The following WDR41 variants were observed in gnomAD, a reference collection of about 807,000 sequenced individuals.
The protein encoded by WDR41 is WD repeat-containing protein 41.
Under a neutral mutation model 69.3 loss-of-function variants are expected in WDR41, and 63 were observed. The ratio of observed to expected loss-of-function variants is 0.91; its 90% CI spans 0.74 to 1.12. The LOEUF is 1.12. WDR41 is among the 50% of genes most tolerant of loss of function. WDR41 has a pLI of 0.00. For missense variants in WDR41, 543 were observed against 534.5 expected (o/e 1.02, Z -0.16); for synonymous variants, 185 against 192.1 (o/e 0.96, Z 0.31).
At chr5:77,546,048 A>T (rs1490647918) in intron 1 of WDR41, 3 of 559,024 alleles carry the variant, frequency 5.4e-6, no homozygotes, top group East Asian at 6.4e-5. Context: ...GGTATTGATG[A>T]CTGCTACACC....
chr5:77,463,972 A>G (rs1800178272), intron 3 of WDR41, among the ~76,000 whole-genome samples: 1 of 152,218 alleles, frequency 6.6e-6, no homozygotes, highest in African/African-American at 2.4e-5. Context: ...ATACTTCAAA[A>G]AAGAATAATT....
intron 1 of WDR41, among the ~76,000 whole-genome samples, chr5:77,506,129 A>G (rs2112163340): frequency 6.6e-6 from 1 of 152,342 alleles, no homozygotes; most frequent in South Asian, 2.1e-4. Flanking sequence ...AATTTTTGCA[A>G]TCTATCCATC....
chr5:77,507,513 C>T (rs1209201966), intron 1 of WDR41, among the ~76,000 whole-genome samples: 1 of 152,204 alleles, frequency 6.6e-6, no homozygotes, highest in East Asian at 1.9e-4. Context: ...AAAGCCTTCC[C>T]CACCAAGCCT....
intron 1 of WDR41, among the ~76,000 whole-genome samples, chr5:77,561,104 C>T (rs1386683414): frequency 6.6e-6 from 1 of 152,096 alleles, no homozygotes; most frequent in Non-Finnish European, 1.5e-5. Context: ...TGTTGAATAT[C>T]ATTCACAAAA....
intron 1 of WDR41, among the ~76,000 whole-genome samples, chr5:77,526,161 T>C (rs1446231167): frequency 2.6e-5 from 4 of 152,204 alleles, no homozygotes; most frequent in African/African-American, 9.6e-5. Flanking sequence ...TTAAATTCAA[T>C]AGCTTTTAAC....
intron 1 of WDR41, chr5:77,582,563 A>G (rs1743958640): frequency 1.3e-6 from 2 of 1,599,742 alleles, no homozygotes; most frequent in East Asian, 4.5e-5. Flanking sequence ...GAATATAGGC[A>G]AATGTACAGA....
chr5:77,604,632 C>T (rs1174302364), intron 1 of WDR41, among the ~76,000 whole-genome samples: 2 of 152,272 alleles, frequency 1.3e-5, no homozygotes, highest in Non-Finnish European at 2.9e-5. Flanking sequence ...GATCTAGCAA[C>T]TCTACTTCTA....
chr5:77,575,348 A>G (rs928887278), intron 1 of WDR41, among the ~76,000 whole-genome samples: 2 of 152,218 alleles, frequency 1.3e-5, no homozygotes, highest in African/African-American at 2.4e-5. Flanking sequence ...TTGAATGTAG[A>G]TGGTTAAGAT....
At chr5:77,548,972 T>C (rs1385997613) in intron 1 of WDR41, among the ~76,000 whole-genome samples, 6 of 152,180 alleles carry the variant, frequency 3.9e-5, no homozygotes, top group African/African-American at 1.4e-4. Context: ...AATGAATTAA[T>C]GGCATTTGCA....
At chr5:77,548,320 G>A (rs918384489) in intron 1 of WDR41, among the ~76,000 whole-genome samples, 2 of 152,174 alleles carry the variant, frequency 1.3e-5, no homozygotes, top group Non-Finnish European at 2.9e-5. Flanking sequence ...CACAGCAAAA[G>A]GAACAGTCAG....
At chr5:77,562,248 GTCTA>G (rs1198349117) in intron 1 of WDR41, among the ~76,000 whole-genome samples, 1 of 152,132 alleles carries the variant, frequency 6.6e-6, no homozygotes, top group African/African-American at 2.4e-5. Flanking sequence ...CCCTGTAAAT[GTCTA>G]TCTCTCACCA....
At chr5:77,613,412 AACCAAAACAGCATGGTACTGGT>A (rs1259245770) in intron 1 of WDR41, among the ~76,000 whole-genome samples, 1 of 152,086 alleles carries the variant, frequency 6.6e-6, no homozygotes, top group Non-Finnish European at 1.5e-5. Context: ...AGGCTACAGT[AACCAAAACAGCATGGTACTGGT>A]ACCAAAACAG....
chr5:77,509,623 A>T (rs1171446793), intron 1 of WDR41, among the ~76,000 whole-genome samples: 1 of 152,234 alleles, frequency 6.6e-6, no homozygotes. Context: ...GATTTCATTC[A>T]TATGAAAGTC....
chr5:77,436,479 G>T (rs1581688622), intron 11 of WDR41, 85 bp from the exon 12 acceptor site: 1 of 1,533,828 alleles, frequency 6.5e-7, no homozygotes, highest in East Asian at 2.3e-5. Context: ...AATGTGAAGA[G>T]GTTCCAGACT....
chr5:77,595,940 T>C (rs553609113), intron 1 of WDR41, among the ~76,000 whole-genome samples: 7 of 152,180 alleles, frequency 4.6e-5, no homozygotes, highest in Admixed American at 2.6e-4. Context: ...AGCAATATGA[T>C]GCTATTTTAT....
At chr5:77,528,845 T>TA (rs907639062) in intron 1 of WDR41, among the ~76,000 whole-genome samples, 7 of 151,598 alleles carry the variant, frequency 4.6e-5, no homozygotes, top group Admixed American at 1.3e-4. Flanking sequence ...ATTATTTTTT[T>TA]AAAAAAGAAC....
chr5:77,609,966 GC>G (rs1332450256), intron 1 of WDR41, among the ~76,000 whole-genome samples: 2 of 152,046 alleles, frequency 1.3e-5, no homozygotes, highest in African/African-American at 4.8e-5. Flanking sequence ...GCTTAAAGGA[GC>G]TGATGGAGCT....
chr5:77,437,313 C>T lies in WDR41; in HGVS notation c.1093+23G>A. 1.9e-6 allele frequency: 3 copies of T among 1,604,360 alleles called. No homozygotes were observed. The Admixed American group carries it at 5.0e-5, about 27-fold the overall frequency. ...GAGAAAAAAGGAGAGAAAAAGACTA[C>T]CTTTTTGAGAGAAGACACACACCTG... On this transcript the variant is annotated intron_variant, in intron 11 of 12. Transcript: ENST00000296679.
intron 2 of WDR41, among the ~76,000 whole-genome samples, chr5:77,470,872 G>C (rs1288566452): frequency 3.4e-5 from 3 of 88,558 alleles, no homozygotes; most frequent in African/African-American, 2.6e-4. Context: ...AGATCAACAA[G>C]ACAAAGTTAA....
Sources: allele counts gnomAD v4.1 joint callset (sites outside exome capture counted in the v4.1 genomes callset), GRCh38; gene constraint gnomAD v4.1.1; transcripts MANE v1.5; gene names NCBI Gene and HGNC (gene_info 2026-07-23, HGNC 2026-07-21).